The following PLXNB1 variants were observed in gnomAD, a reference collection of about 807,000 sequenced individuals.
PLXNB1 encodes the protein plexin-B1.
A neutral mutation model predicts 209.4 loss-of-function variants in PLXNB1; 106 were observed. The ratio of observed to expected loss-of-function variants is 0.51; its 90% CI spans 0.43 to 0.59. The LOEUF (loss-of-function observed/expected upper bound fraction) is 0.59, where lower values mean the gene tolerates loss of function less well. PLXNB1 is among the 20% of genes least tolerant of loss of function. The pLI is 0.00. For missense variants in PLXNB1, 2,357 were observed against 2,853.2 expected, an observed-to-expected ratio of 0.83 and a Z score of 3.96; for synonymous variants, 1,167 against 1,183.2, an observed-to-expected ratio of 0.99 and a Z score of 0.28.
intron 3 of PLXNB1, 90 bp from the exon 4 acceptor site, chr3:48,423,037 C>T (rs899366336): frequency 4.6e-5 from 53 of 1,149,424 alleles, no homozygotes; most frequent in Middle Eastern, 2.9e-4. Flanking sequence ...CTCCCCCAGC[C>T]GCTCTGGTAG....
chr3:48,424,110 C>A lies in PLXNB1; in HGVS notation c.502G>T (p.Val168Leu). ...CCCCTGCTGGTGTATCCTCGCCCCACAAACAGGAGGGGCTCCCCTGCCAAG... is the reference window on the plus strand; with the variant it reads ...CCCCTGCTGGTGTATCCTCGCCCCAAAAACAGGAGGGGCTCCCCTGCCAAG... Reference protein sequence around the residue: ...QGLAGEPLLFVGRGYTSRGVG... With the variant: ...QGLAGEPLLFLGRGYTSRGVG... The change falls in exon 3 of 38, where the codon GTG (valine) becomes TTG (leucine). Residue 168 changes from valine to leucine, a missense_variant. Around this residue, in one of 7 missense-constraint regions of PLXNB1, gnomAD observed 404 missense variants for 443.6 expected, o/e 0.91. Transcript: ENST00000296440. 1 of 1,556,876 alleles carries A rather than the reference C, an allele frequency of 6.4e-7. No homozygotes were observed. The highest frequency in any genetic ancestry group is 1.2e-5 in the South Asian group (1 of 84,946).
Position 48,419,346 on chromosome 3 carries a change from T to G in PLXNB1, c.2730A>C (p.Ala910=). 1 of 1,574,528 alleles carries G rather than the reference T, an allele frequency of 6.4e-7. No homozygotes were observed. Among genetic ancestry groups the G allele is most frequent in the Non-Finnish European group, 8.6e-7 (1 of 1,156,836 alleles). ...CGCTCTCCACACAGGGGCAGGAGCTTGCCCCCAAGGTCGCCTCTTCCTGCA... is the reference window on the plus strand; with the variant it reads ...CGCTCTCCACACAGGGGCAGGAGCTGGCCCCCAAGGTCGCCTCTTCCTGCA... ...LWELEEATLG[A]SSCPCVESVQ... Residue 910 remains alanine, a synonymous_variant, in exon 12 of 38, where the codon GCA becomes GCC. Transcript: ENST00000296440. This position sits in a 1 kb window ranked among gnomAD's most constrained non-coding sequence, Gnocchi z 5.7.
rs1441873837 is a variant in PLXNB1 at position 48,406,482 on chromosome 3, G to A, written c.6228+341C>T. On this transcript the variant is annotated intron_variant, in intron 36 of 37. Transcript: ENST00000296440. This position sits in a 1 kb window ranked among gnomAD's most constrained non-coding sequence, Gnocchi z 4.4. ...GTTTCAGGAATGGGAGAGGTGAAGG[G>A]GACACCTGTGCCACCAAGGGAAGCA... is the stretch of plus-strand genomic sequence containing the variant. 1 of 668,878 alleles carries A rather than the reference G, an allele frequency of 1.5e-6. No individual in the cohort carries two copies. Among genetic ancestry groups the A allele is most frequent in the African/African-American group, 2.0e-5 (1 of 51,020 alleles). 41.4% of individuals were successfully genotyped at this position (668,878 alleles called of 1,614,324 possible).
rs1368340750 is a variant in PLXNB1 at position 48,424,378 on chromosome 3, G to A, written c.234C>T (p.Asp78=). The change falls in exon 3 of 38, where the codon GAC becomes GAT. Residue 78 remains aspartate, a synonymous_variant. Coordinates refer to ENST00000296440, the MANE Select transcript of PLXNB1 (RefSeq NM_001130082.3). The part of the protein sequence containing the change: ...VSTGPVLDSR[D]CLPPVMPDEC... ...CATCAGGCATCACAGGTGGCAGGCA[G>A]TCCCTGCTGTCTAGCACAGGGCCGG... 3.9e-6 allele frequency: 6 copies of A among 1,556,024 alleles called. No homozygotes were observed. The highest frequency in any genetic ancestry group is 5.2e-6 in the Non-Finnish European group (6 of 1,149,462).
intron 7 of PLXNB1, 25 bp downstream of exon 7, chr3:48,421,649 G>C (rs374459286): frequency 1.3e-6 from 2 of 1,579,818 alleles, no homozygotes; most frequent in South Asian, 1.1e-5. Flanking sequence ...CTCCCCACCA[G>C]GGCCCTGCCT....
At chr3:48,425,409 G>A (rs1273453846) in intron 1 of PLXNB1, 76 bp from the exon 2 acceptor site, 1 of 152,212 alleles carries the variant, frequency 6.6e-6, no homozygotes, top group Non-Finnish European at 1.5e-5. Flanking sequence ...TCCCCACCGG[G>A]GAGGCAGCAC....
At chr3:48,427,274 G>A (rs1219039653) in intron 1 of PLXNB1, among the ~76,000 whole-genome samples, 2 of 152,104 alleles carry the variant, frequency 1.3e-5, no homozygotes, top group Non-Finnish European at 2.9e-5. Context: ...CACTGAGGAG[G>A]TCGGCCGCTG....
chr3:48,408,427 CG>C (rs2036141340), intron 34 of PLXNB1, among the ~76,000 whole-genome samples: 1 of 152,184 alleles, frequency 6.6e-6, no homozygotes, highest in Admixed American at 6.5e-5. Context: ...CAGAGTCACA[CG>C]AGGGCCCTGC....
At position 48,418,573 on chromosome 3, in the gene PLXNB1, G is replaced by A; in HGVS notation, c.2956-31C>T. ...GAAATGGGAGTGGGTTCAGAGTCAA[G>A]CACTGGGGGAAGTGTCAGGCCTGGG... On this transcript the variant is annotated intron_variant, in intron 13 of 37. Coordinates refer to ENST00000296440, the MANE Select transcript of PLXNB1 (RefSeq NM_001130082.3). The surrounding 1 kb of genome is among the most constrained non-coding windows in gnomAD (Gnocchi z 6.6). 6.5e-7 allele frequency: 1 copy of A among 1,540,932 alleles called. No homozygotes were observed. The highest frequency in any genetic ancestry group is 8.8e-7 in the Non-Finnish European group (1 of 1,132,696).
chr3:48,414,649 C>T, intron 21 of PLXNB1, 150 bp downstream of exon 21: 1 of 1,054,758 alleles, frequency 9.5e-7, no homozygotes, highest in Non-Finnish European at 1.4e-6. Flanking sequence ...CCCCCACCAG[C>T]CCCCTCTGCC....
chr3:48,423,026 C>T (rs1051986538), intron 3 of PLXNB1, 79 bp from the exon 4 acceptor site: 23 of 1,254,334 alleles, frequency 1.8e-5, no homozygotes, highest in Non-Finnish European at 2.4e-5. Context: ...AACCTCATTC[C>T]CTCCCCCAGC....
chr3:48,411,184 G>A lies in PLXNB1; in HGVS notation c.5248-148C>T, dbSNP rs2037658621. On this transcript the variant is annotated intron_variant, in intron 28 of 37. Coordinates refer to ENST00000296440, the MANE Select transcript of PLXNB1 (RefSeq NM_001130082.3). This position sits in a 1 kb window ranked among gnomAD's most constrained non-coding sequence, Gnocchi z 4.0. ...CTAATTCTCGTCTCTTCACCTGCCT[G>A]CCTTCCCCAGGGACAGCAGCTTCCT... 4.4e-6 allele frequency: 3 copies of A among 678,800 alleles called. 1 individual carries two copies. The highest frequency in any genetic ancestry group is 7.3e-6 in the Non-Finnish European group (3 of 411,554). 42.0% of individuals were successfully genotyped at this position (678,800 alleles called of 1,614,324 possible).
rs923361837 is a variant in PLXNB1 at position 48,421,826 on chromosome 3, T to A, written c.1521-20A>T. ...CTGCACCTGGGCGAGATGACCAGTG[T>A]CTATCTGTGACCCTCATGGGCCACT... On this transcript the variant is annotated intron_variant, in intron 6 of 37. Coordinates refer to ENST00000296440, the MANE Select transcript of PLXNB1 (RefSeq NM_001130082.3). The A allele has an allele frequency of 4.5e-5, 72 of 1,590,194 alleles. No homozygotes were observed. Among genetic ancestry groups the A allele is most frequent in the Non-Finnish European group, 5.8e-5 (68 of 1,162,768 alleles).
In PLXNB1 at chr3:48,418,391, G is replaced by C. The variant is rs1388950612; in HGVS notation, c.3050-28C>G. On this transcript the variant is annotated intron_variant, in intron 14 of 37. Transcript: ENST00000296440. This position sits in a 1 kb window ranked among gnomAD's most constrained non-coding sequence, Gnocchi z 6.6. Reference sequence around the variant, plus strand: ...GGGGGTGGCAGAGACACACGTGAGAGGCAGGCCTGGGAGAGCCCTGCTACC... The same window carrying C: ...GGGGGTGGCAGAGACACACGTGAGACGCAGGCCTGGGAGAGCCCTGCTACC... 1 of 1,613,332 alleles carries C rather than the reference G, an allele frequency of 6.2e-7. No individual in the cohort carries two copies. Among genetic ancestry groups the C allele is most frequent in the African/African-American group, 1.3e-5 (1 of 74,920 alleles).
Position 48,429,716 on chromosome 3 carries a change from C to T in PLXNB1, c.-60+292G>A, listed in dbSNP as rs554278225. Among the ~76,000 whole-genome samples, 2 of 152,016 alleles carry T rather than the reference C, an allele frequency of 1.3e-5. No homozygotes were observed. The highest frequency in any genetic ancestry group is 2.9e-5 in the Non-Finnish European group (2 of 67,922). The stretch of plus-strand genomic sequence containing the variant: ...TCGCCCGGAGGGGTGAGGAGTGAAC[C>T]CCGGGAGCCAGAGCCGCCCCGCCCC... On this transcript the variant is annotated intron_variant, in intron 1 of 37. Coordinates refer to ENST00000296440, the MANE Select transcript of PLXNB1 (RefSeq NM_001130082.3). This position sits in a 1 kb window ranked among gnomAD's most constrained non-coding sequence, Gnocchi z 6.4.
Position 48,429,686 on chromosome 3 carries a change from G to C in PLXNB1, c.-60+322C>G, listed in dbSNP as rs2039092307. On this transcript the variant is annotated intron_variant, in intron 1 of 37. Transcript: ENST00000296440. The surrounding 1 kb of genome is among the most constrained non-coding windows in gnomAD (Gnocchi z 6.4). ...GCACCGCGGCGGTCGCCATGGCAACGCGGGTCGCCCGGAGGGGTGAGGAGT... is the reference window on the plus strand; with the variant it reads ...GCACCGCGGCGGTCGCCATGGCAACCCGGGTCGCCCGGAGGGGTGAGGAGT... 6.6e-6 allele frequency among the ~76,000 whole-genome samples: 1 copy of C among 151,946 alleles called. No individual in the cohort carries two copies. The highest frequency in any genetic ancestry group is 2.4e-5 in the African/African-American group (1 of 41,388).
chr3:48,420,359 G>A, intron 10 of PLXNB1, 102 bp from the exon 11 acceptor site: 1 of 702,048 alleles, frequency 1.4e-6, no homozygotes. Context: ...AGGAGACCAA[G>A]GAAAAGAGAA....
At position 48,420,654 on chromosome 3, in the gene PLXNB1, G is replaced by T; in HGVS notation, c.2028+11C>A. 1 of 1,609,470 alleles carries T rather than the reference G, an allele frequency of 6.2e-7. No individual in the cohort carries two copies. Among genetic ancestry groups the T allele is most frequent in the Non-Finnish European group, 8.5e-7 (1 of 1,176,278 alleles). On this transcript the variant is annotated intron_variant, in intron 10 of 37. Coordinates refer to ENST00000296440, the MANE Select transcript of PLXNB1 (RefSeq NM_001130082.3). ...CCCCCCCGGTATGGCCCAGCCCAAA[G>T]TCACACTCACCTGATGGCTTGCAAC...
rs762996926 is a variant in PLXNB1, at chr3:48,414,795, G to T, written c.4209+4C>A. ...GCCCTGCCAGGTCCAAGTAGGAGCT[G>T]TACCTCCACGGAGAACACACTCCCA... On this transcript the variant is annotated splice_donor_region_variant and intron_variant, in intron 21 of 37. Transcript: ENST00000296440. 9 of 1,612,494 alleles carry T rather than the reference G, an allele frequency of 5.6e-6. No homozygotes were observed. Among genetic ancestry groups the T allele is most frequent in the Non-Finnish European group, 7.6e-6 (9 of 1,178,912 alleles).
Sources: gnomAD v4.1 joint callset for allele counts (sites outside exome capture counted in the v4.1 genomes callset) on GRCh38, gnomAD v4.1.1 for gene constraint, gnomAD v4.1.1 regional missense constraint, Gnocchi (gnomAD v3.1) non-coding constraint, MANE v1.5 for transcripts, NCBI Gene and HGNC (gene_info 2026-07-23, HGNC 2026-07-21) for gene names.